CSMD1: variants seen among roughly 807,000 people sequenced by gnomAD.
CSMD1 encodes the protein CUB and sushi domain-containing protein 1.
Under a neutral mutation model 417.5 loss-of-function variants are expected in CSMD1, and 213 were observed. That is an observed-to-expected ratio of 0.51 (90% CI 0.46 to 0.57). The LOEUF is 0.57. Among genes scored for constraint, CSMD1 ranks in the 20% least tolerant of loss-of-function variants. CSMD1 has a pLI of 0.00. For synonymous variants in CSMD1, 2,862 were observed against 1,736.8 expected (o/e 1.65, Z -16.11); for missense variants, 6,923 against 4,529.7 (o/e 1.53, Z -15.17).
At position 3,998,745 on chromosome 8, in the gene CSMD1, C is replaced by T. The variant is rs545502435; in HGVS notation, c.611-635G>A. Among the ~76,000 whole-genome samples the T allele has an allele frequency of 1.0e-3, 153 of 151,868 alleles. 5 individuals carry two copies. The South Asian group carries it at 0.031, about 31-fold the overall frequency. ...AAAGTGCATTTAAAATAGAAACTAA[C>T]AATTAAAAAATTATTGGTTAGAAAG... On this transcript the variant is annotated intron_variant, in intron 4 of 69. Transcript: ENST00000635120.
intron 2 of CSMD1, among the ~76,000 whole-genome samples, chr8:4,477,056 C>T (rs1237434406): frequency 6.6e-6 from 1 of 152,212 alleles, no homozygotes; most frequent in Non-Finnish European, 1.5e-5. Flanking sequence ...GGACCCCAGC[C>T]TTGCAGCTGT....
intron 5 of CSMD1, among the ~76,000 whole-genome samples, chr8:3,785,312 C>T (rs1287910032): frequency 2.0e-5 from 3 of 152,196 alleles, no homozygotes; most frequent in African/African-American, 7.2e-5. Context: ...AAACTTCAGG[C>T]TGCGGAAAAT....
At chr8:4,951,041 C>A (rs1397925575) in intron 1 of CSMD1, among the ~76,000 whole-genome samples, 1 of 151,942 alleles carries the variant, frequency 6.6e-6, no homozygotes, top group Non-Finnish European at 1.5e-5. Flanking sequence ...ATTTAACCCC[C>A]AAGAAGTAGC....
In CSMD1 at chr8:3,089,869, G is replaced by A. The variant is rs556024119; in HGVS notation, c.7285+1647C>T. Reference sequence around the variant, plus strand: ...ACAAATAAAATACCTTTTGAAAGACGTAGAAATCATTGTTCTCACAATTGA... The same window carrying A: ...ACAAATAAAATACCTTTTGAAAGACATAGAAATCATTGTTCTCACAATTGA... On this transcript the variant is annotated intron_variant, in intron 48 of 69. Coordinates refer to ENST00000635120, the MANE Select transcript of CSMD1 (RefSeq NM_033225.6). 2.6e-5 allele frequency among the ~76,000 whole-genome samples: 4 copies of A among 152,166 alleles called. No homozygotes were observed. The South Asian group carries it at 6.2e-4, about 24-fold the overall frequency.
chr8:4,351,956 T>TTTC (rs1801121797), intron 3 of CSMD1, among the ~76,000 whole-genome samples: 1 of 151,046 alleles, frequency 6.6e-6, no homozygotes, highest in African/African-American at 2.4e-5. Flanking sequence ...GCTATTTTTT[T>TTTC]TTTTTTTTCA....
intron 5 of CSMD1, among the ~76,000 whole-genome samples, chr8:3,992,855 C>G (rs563694077): frequency 6.6e-6 from 1 of 152,230 alleles, no homozygotes; most frequent in African/African-American, 2.4e-5. Context: ...AGCATTGCTG[C>G]GTGGTCTCCT....
chr8:3,164,954 C>T (rs1470173093), intron 37 of CSMD1, among the ~76,000 whole-genome samples: 1 of 150,948 alleles, frequency 6.6e-6, no homozygotes, highest in Admixed American at 6.6e-5. Flanking sequence ...TCAATTGATC[C>T]TCTGGGGAAA....
At chr8:3,797,624 G>C (rs60083450) in intron 5 of CSMD1, among the ~76,000 whole-genome samples, 4,642 of 151,904 alleles carry the variant, frequency 0.031, 242 homozygotes, top group African/African-American at 0.1. Flanking sequence ...TTATTGTTGG[G>C]TAGTGTTCTT....
chr8:3,800,422 T>A (rs1800391633), intron 5 of CSMD1, among the ~76,000 whole-genome samples: 1 of 152,178 alleles, frequency 6.6e-6, no homozygotes, highest in African/African-American at 2.4e-5. Context: ...TGTGAAGTGC[T>A]TGAGAAATAG....
chr8:4,210,200 C>T (rs1470394436), intron 3 of CSMD1, among the ~76,000 whole-genome samples: 5 of 152,182 alleles, frequency 3.3e-5, no homozygotes, highest in Non-Finnish European at 7.4e-5. Flanking sequence ...CTCCTTCACT[C>T]CCTCCCCAAG....
intron 25 of CSMD1, among the ~76,000 whole-genome samples, chr8:3,300,503 G>A (rs1319626461): frequency 1.3e-5 from 2 of 152,088 alleles, no homozygotes; most frequent in Non-Finnish European, 2.9e-5. Flanking sequence ...TGAAATGACT[G>A]ACTCTGCTTT....
Position 3,091,622 on chromosome 8 carries a change from C to G in CSMD1, c.7179G>C (p.Gly2393=), listed in dbSNP as rs377636124. The change falls in exon 48 of 70, where the codon GGG becomes GGC. Residue 2393 remains glycine (G), a synonymous_variant. Transcript: ENST00000635120. ...TAAAATTTGATTGTTCAGTATGATT[C>G]CCACTTAAGACTACTAGCAGAGGAC... ...GQSPLLVVLS[G]NHTEQSNFTS... 1.7e-5 allele frequency: 28 copies of G among 1,611,522 alleles called. No homozygotes were observed. The highest frequency in any genetic ancestry group is 2.2e-5 in the Non-Finnish European group (26 of 1,179,376).
chr8:4,032,535 G>C (rs997287506), intron 3 of CSMD1, among the ~76,000 whole-genome samples: 1 of 152,100 alleles, frequency 6.6e-6, no homozygotes, highest in East Asian at 1.9e-4. Context: ...TTATTTTTAT[G>C]CTTCCACGAC....
chr8:3,196,571 T>G (rs966263971), intron 33 of CSMD1, among the ~76,000 whole-genome samples: 1 of 152,156 alleles, frequency 6.6e-6, no homozygotes, highest in Non-Finnish European at 1.5e-5. Context: ...ATAATTAGAT[T>G]TCTTTTCATG....
chr8:4,442,555 T>C (rs1336991993), intron 2 of CSMD1, among the ~76,000 whole-genome samples: 1 of 152,196 alleles, frequency 6.6e-6, no homozygotes. Flanking sequence ...CATATGCAAC[T>C]AAAGAGATTT....
chr8:3,854,972 C>A (rs1804192395), intron 5 of CSMD1, among the ~76,000 whole-genome samples: 1 of 152,070 alleles, frequency 6.6e-6, no homozygotes, highest in East Asian at 1.9e-4. Context: ...CATACATACA[C>A]ACAAATGTCC....
intron 12 of CSMD1, among the ~76,000 whole-genome samples, chr8:3,413,907 G>T (rs1363436763): frequency 6.6e-6 from 1 of 152,094 alleles, no homozygotes; most frequent in South Asian, 2.1e-4. Flanking sequence ...GGAAGGCCGA[G>T]GTGGGATGAT....
chr8:3,586,320 A>G lies in CSMD1; in HGVS notation c.1098-60T>C. The G allele has an allele frequency of 8.2e-6, 9 of 1,092,250 alleles. No individual in the cohort carries two copies. The South Asian group carries it at 1.3e-4, about 16-fold the overall frequency. 67.7% of individuals were successfully genotyped at this position (1,092,250 alleles called of 1,614,324 possible). A position where few individuals can be genotyped will look rare whatever the true frequency, so the allele number is the denominator to read the frequency against. On this transcript the variant is annotated intron_variant, in intron 8 of 69. Coordinates refer to ENST00000635120, the MANE Select transcript of CSMD1 (RefSeq NM_033225.6). Reference sequence around the variant, plus strand: ...TTATTTACAGAAGACTTCTTTAGGAAAAAAAAAAAAATCAGCAAAATGGCT... The same window carrying G: ...TTATTTACAGAAGACTTCTTTAGGAGAAAAAAAAAAATCAGCAAAATGGCT...
chr8:4,639,032 C>G (rs189865761), intron 1 of CSMD1, among the ~76,000 whole-genome samples: 2 of 152,274 alleles, frequency 1.3e-5, no homozygotes, highest in African/African-American at 4.8e-5. Context: ...TTAGTAACAG[C>G]TGCACACCTG....
Sources: allele counts gnomAD v4.1 joint callset (sites outside exome capture counted in the v4.1 genomes callset), GRCh38; gene constraint gnomAD v4.1.1; transcripts MANE v1.5; gene names NCBI Gene and HGNC (gene_info 2026-07-23, HGNC 2026-07-21).